CAP2: variants seen among roughly 807,000 people sequenced by gnomAD.
CAP2 encodes the protein adenylyl cyclase-associated protein 2.
Under a neutral mutation model 57.7 loss-of-function variants are expected in CAP2, and 24 were observed. The observed-to-expected ratio is 0.42, with a 90% CI of 0.30 to 0.58. CAP2 has a LOEUF of 0.58. Among genes scored for constraint, CAP2 ranks in the 20% least tolerant of loss-of-function variants. The pLI is 0.22. For missense variants in CAP2, 501 were observed against 590.3 expected, an observed-to-expected ratio of 0.85 and a Z score of 1.57; for synonymous variants, 194 against 207.2, an observed-to-expected ratio of 0.94 and a Z score of 0.55.
At chr6:17,438,775 A>G (rs904768337) in intron 3 of CAP2, among the ~76,000 whole-genome samples, 2 of 79,830 alleles carry the variant, frequency 2.5e-5, no homozygotes, top group African/African-American at 1.1e-4. Context: ...TATTATAAAC[A>G]TATCTTTTTT....
At chr6:17,546,599 T>A (rs1424762757) in intron 11 of CAP2, among the ~76,000 whole-genome samples, 1 of 152,230 alleles carries the variant, frequency 6.6e-6, no homozygotes, top group Non-Finnish European at 1.5e-5. Context: ...TTTTGGTGTT[T>A]TAGACATGAA....
At chr6:17,408,960 C>T (rs1254003158) in intron 1 of CAP2, among the ~76,000 whole-genome samples, 2 of 151,830 alleles carry the variant, frequency 1.3e-5, no homozygotes, top group East Asian at 2.0e-4. Flanking sequence ...TGAGCAACCA[C>T]GCTCAGCCCT....
chr6:17,422,669 C>T, intron 2 of CAP2, among the ~76,000 whole-genome samples: 1 of 152,000 alleles, frequency 6.6e-6, no homozygotes, highest in East Asian at 1.9e-4. Context: ...GCTTTTAAAA[C>T]TATATCCTAA....
chr6:17,531,121 A>G (rs1420652507), intron 7 of CAP2: 3 of 762,244 alleles, frequency 3.9e-6, no homozygotes, highest in Non-Finnish European at 7.2e-6. Flanking sequence ...TGAGCCATCA[A>G]AGCCTCATCT....
intron 8 of CAP2, among the ~76,000 whole-genome samples, chr6:17,539,717 C>T (rs1443024480): frequency 6.6e-6 from 1 of 152,158 alleles, no homozygotes; most frequent in Admixed American, 6.6e-5. Context: ...GTGCTGCATC[C>T]TTGCTTTAGA....
intron 3 of CAP2, among the ~76,000 whole-genome samples, chr6:17,429,320 T>G (rs1035713674): frequency 1.3e-5 from 2 of 152,246 alleles, no homozygotes; most frequent in African/African-American, 4.8e-5. Context: ...TCATTATGGT[T>G]ACTATTCATT....
At chr6:17,434,235 C>CTT (rs113654321) in intron 3 of CAP2, among the ~76,000 whole-genome samples, 6,042 of 139,138 alleles carry the variant, frequency 0.043, 421 homozygotes, top group African/African-American at 0.14. Context: ...TTTTTTCTTT[C>CTT]TTTTTTTTTT....
chr6:17,488,181 T>G (rs113146508), intron 4 of CAP2, among the ~76,000 whole-genome samples: 4,045 of 152,320 alleles, frequency 0.027, 177 homozygotes, highest in African/African-American at 0.092. Flanking sequence ...GAGCTGAGAT[T>G]ACAGGCATGA....
chr6:17,534,942 A>G (rs550437711), intron 7 of CAP2, among the ~76,000 whole-genome samples: 1 of 152,304 alleles, frequency 6.6e-6, no homozygotes, highest in South Asian at 2.1e-4. Flanking sequence ...GCAACCAGTG[A>G]GTACGCAGGA....
At chr6:17,478,297 CTT>C (rs58472723) in intron 4 of CAP2, among the ~76,000 whole-genome samples, 3 of 120,394 alleles carry the variant, frequency 2.5e-5, no homozygotes, top group Admixed American at 1.7e-4. Flanking sequence ...ACTACACCTA[CTT>C]TTTTTTTTTT....
chr6:17,447,869 A>G (rs143221641), intron 3 of CAP2, among the ~76,000 whole-genome samples: 14 of 152,352 alleles, frequency 9.2e-5, no homozygotes, highest in East Asian at 1.9e-4. Flanking sequence ...GGGAATGGCT[A>G]TGTGTGTAGT....
At chr6:17,395,113 A>G (rs1758635756) in intron 1 of CAP2, among the ~76,000 whole-genome samples, 2 of 152,212 alleles carry the variant, frequency 1.3e-5, no homozygotes, top group Admixed American at 6.5e-5. Flanking sequence ...CAGGAAGGTG[A>G]TTATCAAGGT....
At chr6:17,428,747 A>G (rs895174479) in intron 3 of CAP2, among the ~76,000 whole-genome samples, 6 of 151,898 alleles carry the variant, frequency 4.0e-5, no homozygotes, top group Non-Finnish European at 8.8e-5. Context: ...CACAATGTGC[A>G]CATGTACCCT....
chr6:17,461,774 T>C (rs896384807), intron 3 of CAP2, among the ~76,000 whole-genome samples: 21 of 150,530 alleles, frequency 1.4e-4, no homozygotes, highest in Admixed American at 9.3e-4. Context: ...GGGCGGATCA[T>C]GAGGTCAGGA....
intron 1 of CAP2, among the ~76,000 whole-genome samples, chr6:17,413,592 T>C (rs1759196813): frequency 6.6e-6 from 1 of 152,168 alleles, no homozygotes; most frequent in South Asian, 2.1e-4. Context: ...GAAACAAACA[T>C]ATTCAATGAG....
At chr6:17,543,014 A>G (rs778297246) in intron 10 of CAP2, 47 bp from the exon 11 acceptor site, 3 of 1,612,114 alleles carry the variant, frequency 1.9e-6, no homozygotes, top group South Asian at 2.2e-5. Context: ...AACAAGCTGT[A>G]TGTATTTAGT....
intron 1 of CAP2, among the ~76,000 whole-genome samples, chr6:17,400,940 A>T (rs1758795404): frequency 6.6e-6 from 1 of 152,162 alleles, no homozygotes; most frequent in Admixed American, 6.5e-5. Context: ...GAACAGTTAA[A>T]TTGGACCACA....
intron 1 of CAP2, among the ~76,000 whole-genome samples, chr6:17,408,143 A>G (rs925424706): frequency 1.3e-5 from 2 of 152,220 alleles, no homozygotes; most frequent in African/African-American, 4.8e-5. Flanking sequence ...AGACTCATTT[A>G]CAAAGATTAG....
intron 12 of CAP2, among the ~76,000 whole-genome samples, chr6:17,553,877 A>G (rs971894390): frequency 5.3e-5 from 8 of 152,132 alleles, no homozygotes; most frequent in Admixed American, 1.3e-4. Flanking sequence ...TGCAATTACT[A>G]TCAAAGAGGT....
Sources: gnomAD v4.1 joint callset for allele counts (sites outside exome capture counted in the v4.1 genomes callset) on GRCh38, gnomAD v4.1.1 for gene constraint, MANE v1.5 for transcripts, NCBI Gene and HGNC (gene_info 2026-07-23, HGNC 2026-07-21) for gene names.